CYFIP1: variants seen among roughly 807,000 people sequenced by gnomAD.
The protein encoded by CYFIP1 is cytoplasmic FMR1 interacting protein 1, also known as cytoplasmic FMR1-interacting protein 1.
A neutral mutation model predicts 163.5 loss-of-function variants in CYFIP1; 58 were observed. That is an observed-to-expected ratio of 0.35 (90% CI 0.29 to 0.44). The LOEUF (loss-of-function observed/expected upper bound fraction) is 0.44. Among genes scored for constraint, CYFIP1 ranks in the 20% least tolerant of loss-of-function variants. CYFIP1 has a pLI of 1.00. For synonymous variants in CYFIP1, 663 were observed against 660.7 expected, an observed-to-expected ratio of 1.00 and a Z score of -0.05; for missense variants, 1,338 against 1,653.8, an observed-to-expected ratio of 0.81 and a Z score of 3.31.
At chr15:22,960,626 C>A (rs890760858) in intron 1 of CYFIP1, among the ~76,000 whole-genome samples, 5 of 152,248 alleles carry the variant, frequency 3.3e-5, no homozygotes, top group Non-Finnish European at 5.9e-5. Context: ...TCATATAAAT[C>A]TTTTCCACCA....
At chr15:22,913,015 G>A (rs796074640) in intron 17 of CYFIP1, among the ~76,000 whole-genome samples, 3 of 152,140 alleles carry the variant, frequency 2.0e-5, no homozygotes, top group African/African-American at 7.2e-5. Context: ...GGACAACATA[G>A]CAAGACCCCG....
chr15:22,918,761 T>A lies in CYFIP1; in HGVS notation c.1457A>T (p.Asp486Val), dbSNP rs767828164. The A allele has an allele frequency of 1.2e-6, 2 of 1,613,620 alleles. No individual in the cohort carries two copies. The highest frequency in any genetic ancestry group is 2.2e-5 in the South Asian group (2 of 91,056). ...CTCCCTAAGGGTCACCTGGGAGAAG[T>A]CCTGCAGTGCGGCATAGACGGTGTG... ...IRHTVYAALQ[D>V]FSQVTLREPL... Residue 486 changes from aspartate (D) to valine (V), a missense_variant, in exon 14 of 31, where the codon GAC becomes GTC. Asp to Val is a radical substitution (Grantham distance 152, BLOSUM62 -3). This residue lies in a region of CYFIP1 where 824 missense variants were observed against 995.7 expected (regional missense o/e 0.83). Transcript: ENST00000617928.
intron 23 of CYFIP1, among the ~76,000 whole-genome samples, chr15:22,890,366 G>A (rs1421484211): frequency 1.3e-5 from 2 of 151,958 alleles, no homozygotes; most frequent in Non-Finnish European, 2.9e-5. Context: ...GAACATGGGA[G>A]TATCACATGG....
intron 22 of CYFIP1, among the ~76,000 whole-genome samples, chr15:22,897,593 C>A (rs1371075903): frequency 1.3e-5 from 2 of 151,978 alleles, no homozygotes; most frequent in Admixed American, 1.3e-4. Flanking sequence ...AAGTGATCCT[C>A]CCGCCTCAGC....
intron 21 of CYFIP1, among the ~76,000 whole-genome samples, chr15:22,905,968 C>T (rs371178897): frequency 6.6e-6 from 1 of 151,872 alleles, no homozygotes; most frequent in Non-Finnish European, 1.5e-5. Flanking sequence ...ACCATGTTAG[C>T]CAGGATGGTC....
chr15:22,915,623 C>G (rs1595589946), intron 16 of CYFIP1, among the ~76,000 whole-genome samples: 1 of 152,106 alleles, frequency 6.6e-6, no homozygotes, highest in Non-Finnish European at 1.5e-5. Flanking sequence ...GTGGTGAGCA[C>G]CTATAATCCC....
At chr15:22,884,513 CCA>C (rs1163445475) in intron 23 of CYFIP1, among the ~76,000 whole-genome samples, 3 of 152,212 alleles carry the variant, frequency 2.0e-5, no homozygotes, top group Non-Finnish European at 4.4e-5. Context: ...ATGTGGGCTC[CCA>C]CAGTCTTGGG....
intron 1 of CYFIP1, among the ~76,000 whole-genome samples, chr15:22,966,034 A>G (rs926887997): frequency 6.6e-6 from 1 of 152,130 alleles, no homozygotes; most frequent in Non-Finnish European, 1.5e-5. Context: ...CCCTCATCCA[A>G]TAGGACTGGG....
chr15:22,870,104 C>G lies in CYFIP1; in HGVS notation c.3686G>C (p.Gly1229Ala). The change falls in exon 31 of 31, where the codon GGC becomes GCC. Residue 1229 changes from glycine to alanine, a missense_variant. Physicochemically the swap from Gly to Ala is moderately conservative, Grantham distance 60. Coordinates refer to ENST00000617928, the MANE Select transcript of CYFIP1 (RefSeq NM_014608.6). ...ITILDKYLKS[G>A]DGEGTPVEHV... ...CTCCACTGGCGTGCCCTCCCCGTCGCCTGACTTCAGGTACTTATCCAGGAT... is the reference window on the plus strand; with the variant it reads ...CTCCACTGGCGTGCCCTCCCCGTCGGCTGACTTCAGGTACTTATCCAGGAT... 5.0e-6 allele frequency: 8 copies of G among 1,613,090 alleles called. No individual in the cohort carries two copies. Among genetic ancestry groups the G allele is most frequent in the Non-Finnish European group, 6.8e-6 (8 of 1,179,658 alleles).
intron 21 of CYFIP1, chr15:22,905,562 C>T (rs1224085533): frequency 6.6e-6 from 1 of 151,180 alleles, no homozygotes; most frequent in Non-Finnish European, 1.5e-5. Context: ...CCTCAGCATC[C>T]CGAGTAGCTG....
chr15:22,933,429 C>T (rs1412400359), intron 10 of CYFIP1, among the ~76,000 whole-genome samples: 5 of 151,890 alleles, frequency 3.3e-5, no homozygotes, highest in Non-Finnish European at 1.5e-5. Context: ...ATTCTCCTAC[C>T]TCAGCCTCCC....
Position 22,867,571 on chromosome 15 carries a change from CT to C in CYFIP1, c.*2456del, listed in dbSNP as rs2059194608. ...ACCCTAATCCCATGATGCCTGGAAC[CT>C]TGATTACCGTTTTACATCAGCTCTT... On this transcript the variant is annotated 3_prime_UTR_variant, in exon 31 of 31. Transcript: ENST00000617928. 3 of 197,526 alleles carry C rather than the reference CT, an allele frequency of 1.5e-5. No individual in the cohort carries two copies. The East Asian group carries it at 3.5e-4, about 23-fold the overall frequency. The allele number at this position is 197,526 out of a possible 1,614,324, so 12.2% of individuals were successfully genotyped here. A position where few individuals can be genotyped will look rare whatever the true frequency, so the allele number is the denominator to read the frequency against.
intron 6 of CYFIP1, among the ~76,000 whole-genome samples, chr15:22,940,607 C>G (rs1284540342): frequency 6.6e-6 from 1 of 152,232 alleles, no homozygotes; most frequent in African/African-American, 2.4e-5. Flanking sequence ...AGCTGCAGAC[C>G]ACCCAATTCA....
chr15:22,919,082 G>C (rs1595601093), intron 13 of CYFIP1, among the ~76,000 whole-genome samples: 2 of 152,182 alleles, frequency 1.3e-5, no homozygotes, highest in Admixed American at 1.3e-4. Flanking sequence ...CTGGAGGACA[G>C]GGATGCATCT....
At chr15:22,962,802 C>G (rs1284551110) in intron 1 of CYFIP1, among the ~76,000 whole-genome samples, 1 of 151,994 alleles carries the variant, frequency 6.6e-6, no homozygotes, top group Non-Finnish European at 1.5e-5. Context: ...ACTGTGCCCA[C>G]TGCTATTACG....
intron 12 of CYFIP1, among the ~76,000 whole-genome samples, chr15:22,927,457 T>C (rs2061390475): frequency 8.2e-6 from 1 of 122,396 alleles, no homozygotes; most frequent in African/African-American, 3.3e-5. Context: ...CACTCCAGCC[T>C]GGGCAACAAG....
intron 1 of CYFIP1, among the ~76,000 whole-genome samples, chr15:22,979,970 G>A (rs1372131292): frequency 2.0e-5 from 3 of 152,176 alleles, no homozygotes; most frequent in African/African-American, 7.2e-5. Flanking sequence ...GGATCCGGGG[G>A]CGCGAGGCGG....
Position 22,931,890 on chromosome 15 carries a change from T to C in CYFIP1, c.1110+333A>G, listed in dbSNP as rs116164423. ...TTTTCTATGTTTAGATATGTTTAGA[T>C]ACACAAATACATACCATTGTGTTAC... On this transcript the variant is annotated intron_variant, in intron 11 of 30. Transcript: ENST00000617928. Among the ~76,000 whole-genome samples the C allele has an allele frequency of 9.7e-3, 1,471 of 152,198 alleles. 22 individuals carry two copies. Among genetic ancestry groups the C allele is most frequent in the African/African-American group, 0.034 (1,420 of 41,524 alleles).
intron 6 of CYFIP1, among the ~76,000 whole-genome samples, chr15:22,939,972 C>T (rs2061844669): frequency 6.6e-6 from 1 of 152,228 alleles, no homozygotes; most frequent in Non-Finnish European, 1.5e-5. Context: ...CCCAGGCCAC[C>T]TCAGGGACCA....
Sources: gnomAD v4.1 joint callset for allele counts (sites outside exome capture counted in the v4.1 genomes callset) on GRCh38, gnomAD v4.1.1 for gene constraint, gnomAD v4.1.1 regional missense constraint, MANE v1.5 for transcripts, NCBI Gene and HGNC (gene_info 2026-07-23, HGNC 2026-07-21) for gene names.